The following CTNNA2 variants were observed in gnomAD, a reference collection of about 807,000 sequenced individuals.
The protein encoded by CTNNA2 is catenin alpha-2.
Under a neutral mutation model 101.0 loss-of-function variants are expected in CTNNA2, and 42 were observed. That is an observed-to-expected ratio of 0.42 (90% CI 0.32 to 0.54). The LOEUF (loss-of-function observed/expected upper bound fraction) is 0.54. CTNNA2 is among the 20% of genes least tolerant of loss of function. The pLI, the probability that CTNNA2 is intolerant of heterozygous loss-of-function variation, is 0.14. For synonymous variants in CTNNA2, 450 were observed against 456.4 expected, an observed-to-expected ratio of 0.99 and a Z score of 0.18; for missense variants, 871 against 1,223.1, an observed-to-expected ratio of 0.71 and a Z score of 4.29.
chr2:79,271,635 C>T (rs576126200), intron 2 of CTNNA2, among the ~76,000 whole-genome samples: 4 of 152,078 alleles, frequency 2.6e-5, no homozygotes, highest in South Asian at 2.1e-4. Flanking sequence ...TCAGATCTCC[C>T]GCTCTGAGCA....
At chr2:79,904,345 G>A (rs757117058) in intron 6 of CTNNA2, among the ~76,000 whole-genome samples, 11 of 152,078 alleles carry the variant, frequency 7.2e-5, no homozygotes, top group Non-Finnish European at 1.6e-4. Context: ...TTTGTTGAAT[G>A]AATGATTATA....
intron 7 of CTNNA2, among the ~76,000 whole-genome samples, chr2:80,351,817 A>T (rs1673327908): frequency 1.3e-5 from 2 of 152,010 alleles, no homozygotes; most frequent in Admixed American, 1.3e-4. Flanking sequence ...TTTTTCCATG[A>T]TTCTCACTCT....
chr2:79,754,501 C>G (rs1396370806), intron 3 of CTNNA2, among the ~76,000 whole-genome samples: 1 of 152,110 alleles, frequency 6.6e-6, no homozygotes, highest in African/African-American at 2.4e-5. Flanking sequence ...TTCATTTGCC[C>G]TATAAATACA....
intron 5 of CTNNA2, among the ~76,000 whole-genome samples, chr2:79,506,021 C>T (rs1032934159): frequency 6.6e-6 from 1 of 152,146 alleles, no homozygotes; most frequent in Non-Finnish European, 1.5e-5. Flanking sequence ...GTAAGAATGT[C>T]ATAATAATAC....
intron 9 of CTNNA2, among the ~76,000 whole-genome samples, chr2:80,489,340 T>C (rs1686847234): frequency 6.6e-6 from 1 of 152,184 alleles, no homozygotes; most frequent in African/African-American, 2.4e-5. Flanking sequence ...TCAGTTCATT[T>C]TAATGATTGG....
At chr2:79,491,261 A>G (rs1159527550) in intron 4 of CTNNA2, among the ~76,000 whole-genome samples, 2 of 152,090 alleles carry the variant, frequency 1.3e-5, no homozygotes, top group Non-Finnish European at 2.9e-5. Context: ...AAAATGACTA[A>G]AAAAGGGGGC....
intron 3 of CTNNA2, among the ~76,000 whole-genome samples, chr2:79,789,255 A>T (rs1223713570): frequency 6.6e-6 from 1 of 152,154 alleles, no homozygotes; most frequent in Non-Finnish European, 1.5e-5. Context: ...CAGGTCTATA[A>T]ATGTGAAAGG....
chr2:80,625,700 A>G (rs1671610765), intron 18 of CTNNA2, among the ~76,000 whole-genome samples: 1 of 151,976 alleles, frequency 6.6e-6, no homozygotes, highest in South Asian at 2.1e-4. Context: ...CCTTTCTTCC[A>G]TTGTAGTGAG....
At chr2:79,274,083 C>T (rs1264211660) in intron 2 of CTNNA2, among the ~76,000 whole-genome samples, 1 of 151,978 alleles carries the variant, frequency 6.6e-6, no homozygotes, top group Non-Finnish European at 1.5e-5. Context: ...TTCTGGATTG[C>T]TTATTATAAG....
chr2:80,481,553 C>T lies in CTNNA2; in HGVS notation c.1290+61952C>T, dbSNP rs528577206. On this transcript the variant is annotated intron_variant, in intron 9 of 18. Coordinates refer to ENST00000402739, the MANE Select transcript of CTNNA2 (RefSeq NM_001282597.3). Reference sequence around the variant, plus strand: ...TATGCTTCTTAACAAGTGGTACAATCGCTTGGTAAACAGATTGGTCTAACA... The same window carrying T: ...TATGCTTCTTAACAAGTGGTACAATTGCTTGGTAAACAGATTGGTCTAACA... Among the ~76,000 whole-genome samples, 27 of 152,198 alleles carry T rather than the reference C, an allele frequency of 1.8e-4. No homozygotes were observed. The South Asian group carries it at 3.9e-3, about 22-fold the overall frequency.
At chr2:80,208,951 G>A (rs1032177227) in intron 7 of CTNNA2, among the ~76,000 whole-genome samples, 2 of 152,124 alleles carry the variant, frequency 1.3e-5, no homozygotes, top group South Asian at 4.1e-4. Flanking sequence ...ATGAGGGTGT[G>A]AATTCCTGAT....
intron 1 of CTNNA2, among the ~76,000 whole-genome samples, chr2:79,550,179 C>A (rs928381672): frequency 4.6e-5 from 7 of 152,152 alleles, no homozygotes; most frequent in Non-Finnish European, 1.0e-4. Context: ...CTGAATTTCC[C>A]CTTTCTGCAC....
intron 9 of CTNNA2, among the ~76,000 whole-genome samples, chr2:80,520,562 A>C (rs531932892): frequency 6.6e-6 from 1 of 152,072 alleles, no homozygotes; most frequent in African/African-American, 2.4e-5. Flanking sequence ...CTTTTTCCGG[A>C]GTTGCAGGTG....
chr2:79,458,012 G>A (rs770628269), intron 4 of CTNNA2, among the ~76,000 whole-genome samples: 2 of 152,128 alleles, frequency 1.3e-5, no homozygotes, highest in African/African-American at 4.8e-5. Context: ...GCAGCTGCAG[G>A]ATCTGTGCTG....
At chr2:79,382,614 A>C (rs1353252376) in intron 4 of CTNNA2, among the ~76,000 whole-genome samples, 1 of 152,108 alleles carries the variant, frequency 6.6e-6, no homozygotes, top group Non-Finnish European at 1.5e-5. Context: ...ATAAACTATT[A>C]AATTTTTTTT....
chr2:79,536,665 T>A (rs1403124617), intron 1 of CTNNA2, among the ~76,000 whole-genome samples: 6 of 145,072 alleles, frequency 4.1e-5, no homozygotes, highest in African/African-American at 1.5e-4. Flanking sequence ...TCTACTGTCG[T>A]CACTTTCACC....
At position 80,065,325 on chromosome 2, in the gene CTNNA2, C is replaced by G. The variant is rs945314541; in HGVS notation, c.1056+155528C>G. On this transcript the variant is annotated intron_variant, in intron 7 of 18. Coordinates refer to ENST00000402739, the MANE Select transcript of CTNNA2 (RefSeq NM_001282597.3). ...TACCTAGTGGTAAAGGCCATTGTAT[C>G]TGCCTGTTTAGGTTCCATTCTTGGA... 6.6e-5 allele frequency among the ~76,000 whole-genome samples: 10 copies of G among 151,756 alleles called. No individual in the cohort carries two copies. In the East Asian group the frequency reaches 9.7e-4, roughly 15 times the overall value.
At chr2:80,341,246 G>A (rs1672212141) in intron 7 of CTNNA2, among the ~76,000 whole-genome samples, 1 of 152,092 alleles carries the variant, frequency 6.6e-6, no homozygotes, top group Non-Finnish European at 1.5e-5. Flanking sequence ...CTCCCCAGAG[G>A]TGGGGATGAG....
chr2:80,472,812 A>G (rs548349678), intron 9 of CTNNA2, among the ~76,000 whole-genome samples: 1 of 152,224 alleles, frequency 6.6e-6, no homozygotes, highest in South Asian at 2.1e-4. Flanking sequence ...TGGTTGACAC[A>G]TTCTCCCGTA....
Sources: gnomAD v4.1 joint callset for allele counts (sites outside exome capture counted in the v4.1 genomes callset) on GRCh38, gnomAD v4.1.1 for gene constraint, MANE v1.5 for transcripts, NCBI Gene and HGNC (gene_info 2026-07-23, HGNC 2026-07-21) for gene names.